FLI1: variants seen among roughly 807,000 people sequenced by gnomAD.
FLI1 encodes Fli-1 proto-oncogene, ETS transcription factor.
A neutral mutation model predicts 53.1 loss-of-function variants in FLI1; 13 were observed. The ratio of observed to expected loss-of-function variants is 0.24; its 90% CI spans 0.16 to 0.39. The LOEUF (loss-of-function observed/expected upper bound fraction) is 0.39. Among genes scored for constraint, FLI1 ranks in the 10% least tolerant of loss-of-function variants. The probability of loss-of-function intolerance (pLI) is 1.00; values close to 1 mark genes in which losing one functional copy is unlikely to be tolerated. For missense variants in FLI1, 424 were observed against 600.5 expected, an observed-to-expected ratio of 0.71 and a Z score of 3.07; for synonymous variants, 244 against 236.7, an observed-to-expected ratio of 1.03 and a Z score of -0.28.
intron 1 of FLI1, among the ~76,000 whole-genome samples, chr11:128,736,179 G>A (rs568287727): frequency 6.7e-4 from 23 of 34,186 alleles, no homozygotes; most frequent in East Asian, 5.7e-3. Context: ...CTCCACCCCC[G>A]CCCAGCATAA....
At chr11:128,761,317 C>T (rs879636137) in intron 2 of FLI1, among the ~76,000 whole-genome samples, 1 of 152,188 alleles carries the variant, frequency 6.6e-6, no homozygotes, top group Non-Finnish European at 1.5e-5. Flanking sequence ...CCTCCCCTGG[C>T]CACCTGATCG....
At chr11:128,775,197 T>C (rs761163168) in intron 4 of FLI1, among the ~76,000 whole-genome samples, 5 of 152,154 alleles carry the variant, frequency 3.3e-5, no homozygotes, top group Admixed American at 6.5e-5. Flanking sequence ...ATCCACAAGA[T>C]GGGAAGTAGT....
At chr11:128,698,526 G>A (rs1035624636) in intron 1 of FLI1, among the ~76,000 whole-genome samples, 2 of 152,168 alleles carry the variant, frequency 1.3e-5, no homozygotes, top group East Asian at 3.8e-4. Flanking sequence ...TGGGGAAACT[G>A]AGGTCTAGGT....
rs764399072 is a variant in FLI1 at position 128,758,295 on chromosome 11, A to G, written c.199A>G (p.Lys67Glu). 1 of 1,613,552 alleles carries G rather than the reference A, an allele frequency of 6.2e-7. No homozygotes were observed. Among genetic ancestry groups the G allele is most frequent in the Non-Finnish European group, 8.5e-7 (1 of 1,179,696 alleles). ...CAATCAGCCAGTGAGGGTCAACGTC[A>G]AGCGGGAGTATGACCACATGAATGG... Reference protein sequence around the residue: ...WINQPVRVNVKREYDHMNGSR... With the variant: ...WINQPVRVNVEREYDHMNGSR... The change falls in exon 2 of 9, where the codon AAG becomes GAG. Residue 67 changes from lysine to glutamate, a missense_variant. Coordinates refer to ENST00000527786, the MANE Select transcript of FLI1 (RefSeq NM_002017.5).
intron 5 of FLI1, among the ~76,000 whole-genome samples, chr11:128,790,049 T>C (rs916527581): frequency 2.1e-5 from 3 of 142,476 alleles, no homozygotes; most frequent in South Asian, 2.2e-4. Flanking sequence ...GCTGGATGTG[T>C]GTGTGTGTGT....
intron 1 of FLI1, among the ~76,000 whole-genome samples, chr11:128,725,453 G>C (rs113821269): frequency 6.6e-6 from 1 of 152,146 alleles, no homozygotes; most frequent in Non-Finnish European, 1.5e-5. Flanking sequence ...AGGCAGCCAG[G>C]GACCCAGCAT....
chr11:128,803,124 G>A (rs964376874), intron 5 of FLI1, among the ~76,000 whole-genome samples: 2 of 118,830 alleles, frequency 1.7e-5, no homozygotes, highest in Non-Finnish European at 3.6e-5. Context: ...TGACATGTAC[G>A]ATTCCCTGGA....
chr11:128,811,039 T>C lies in FLI1; in HGVS notation c.*51T>C, dbSNP rs908826547. 4 of 1,540,844 alleles carry C rather than the reference T, an allele frequency of 2.6e-6. No individual in the cohort carries two copies. The highest frequency in any genetic ancestry group is 1.7e-4 in the Middle Eastern group (1 of 5,928). On this transcript the variant is annotated 3_prime_UTR_variant, in exon 9 of 9. Coordinates refer to ENST00000527786, the MANE Select transcript of FLI1 (RefSeq NM_002017.5). ...GCTGAAGCCCATCCTGCACACTTAC[T>C]GGATGCTTTGGACTCAACAGGACAT... is the stretch of plus-strand genomic sequence containing the variant.
intron 1 of FLI1, chr11:128,748,336 C>G (rs1160654598): frequency 1.2e-6 from 1 of 848,204 alleles, no homozygotes; most frequent in African/African-American, 1.8e-5. Flanking sequence ...TGATGTTCAA[C>G]AAGACTCCTT....
intron 1 of FLI1, among the ~76,000 whole-genome samples, chr11:128,739,904 G>A (rs1424262128): frequency 6.6e-6 from 1 of 152,160 alleles, no homozygotes; most frequent in African/African-American, 2.4e-5. Flanking sequence ...AAGGCATTTT[G>A]ACAGGATTTT....
intron 1 of FLI1, among the ~76,000 whole-genome samples, chr11:128,734,572 A>C (rs867272963): frequency 1.3e-5 from 2 of 152,204 alleles, no homozygotes; most frequent in African/African-American, 4.8e-5. Context: ...CGCTGCCTGC[A>C]CTGTGGTGTG....
At chr11:128,710,481 GC>G (rs1279873090) in intron 1 of FLI1, among the ~76,000 whole-genome samples, 1 of 152,156 alleles carries the variant, frequency 6.6e-6, no homozygotes, top group Middle Eastern at 3.4e-3. Context: ...GCTAAGATCA[GC>G]CCTACTGCTT....
chr11:128,755,734 G>T (rs1408915344), intron 1 of FLI1, among the ~76,000 whole-genome samples: 1 of 152,192 alleles, frequency 6.6e-6, no homozygotes, highest in East Asian at 1.9e-4. Flanking sequence ...AAGGATCCCA[G>T]CAGATGTTAG....
chr11:128,695,269 G>T (rs1338963566), intron 1 of FLI1, among the ~76,000 whole-genome samples: 1 of 152,260 alleles, frequency 6.6e-6, no homozygotes, highest in East Asian at 1.9e-4. Context: ...TCTCTGAAAG[G>T]GTTCGCCAAG....
At chr11:128,796,260 A>G (rs1326240292) in intron 5 of FLI1, among the ~76,000 whole-genome samples, 2 of 152,208 alleles carry the variant, frequency 1.3e-5, no homozygotes, top group African/African-American at 4.8e-5. Flanking sequence ...CAAAGAGATG[A>G]AAATCATTCT....
chr11:128,768,172 C>T lies in FLI1; in HGVS notation c.285C>T (p.Gly95=), dbSNP rs545501579. Residue 95 remains glycine (G), a synonymous_variant, in exon 3 of 9, where the codon GGC becomes GGT. Transcript: ENST00000527786. ...VSKCSKLVGG[G]ESNPMNYNSY... is the part of the protein sequence containing the mutation. ...AATGCAGCAAGCTGGTGGGCGGAGG[C>T]GAGTCCAACCCCATGAACTACAACA... The T allele has an allele frequency of 3.7e-5, 60 of 1,613,792 alleles. No homozygotes were observed. The highest frequency in any genetic ancestry group is 2.2e-4 in the East Asian group (10 of 44,868).
At chr11:128,775,360 T>TA (rs113899386) in intron 4 of FLI1, among the ~76,000 whole-genome samples, 3,098 of 145,810 alleles carry the variant, frequency 0.021, 108 homozygotes, top group African/African-American at 0.072. Flanking sequence ...CGTGTTAAAT[T>TA]AAAAAAAAAA....
intron 7 of FLI1, among the ~76,000 whole-genome samples, chr11:128,808,596 G>C (rs1235019000): frequency 6.6e-6 from 1 of 152,136 alleles, no homozygotes; most frequent in African/African-American, 2.4e-5. Context: ...GAATCCAGTA[G>C]CCCAACCCAC....
chr11:128,763,789 T>C (rs566849990), intron 2 of FLI1, among the ~76,000 whole-genome samples: 164 of 152,372 alleles, frequency 1.1e-3, no homozygotes, highest in Admixed American at 2.1e-3. Flanking sequence ...GTTAGCAGCA[T>C]CTACTGTGTA....
Sources: gnomAD v4.1 joint callset for allele counts (sites outside exome capture counted in the v4.1 genomes callset) on GRCh38, gnomAD v4.1.1 for gene constraint, MANE v1.5 for transcripts, NCBI Gene and HGNC (gene_info 2026-07-23, HGNC 2026-07-21) for gene names.